SPMIP4: variants seen among roughly 807,000 people sequenced by gnomAD.
The protein encoded by SPMIP4 is sperm microtubule inner protein 4.
chr7:25,126,308 G>A, the SPMIP4 span, among the ~76,000 whole-genome samples: 1 of 152,082 alleles, frequency 6.6e-6, no homozygotes, highest in Non-Finnish European at 1.5e-5. Flanking sequence ...CCCCCAAGTA[G>A]CTGGGACTAC....
chr7:25,144,620 T>C, the SPMIP4 span, among the ~76,000 whole-genome samples: 1 of 152,114 alleles, frequency 6.6e-6, no homozygotes, highest in East Asian at 1.9e-4. Context: ...TGGTTCAAGA[T>C]CATGGTCAGG....
At chr7:25,162,920 C>T in the SPMIP4 span, among the ~76,000 whole-genome samples, 6 of 152,016 alleles carry the variant, frequency 3.9e-5, no homozygotes, top group Non-Finnish European at 7.4e-5. Context: ...TACAGGCACC[C>T]GCCATCGTGC....
At chr7:25,151,590 A>C in the SPMIP4 span, 3 of 1,545,832 alleles carry the variant, frequency 1.9e-6, no homozygotes, top group Non-Finnish European at 2.7e-6. Context: ...TTAAAAAGAT[A>C]CTTACATCAT....
the SPMIP4 span, chr7:25,161,333 CAA>C: frequency 1.3e-6 from 1 of 752,102 alleles, no homozygotes. Flanking sequence ...TAGTAAAAGA[CAA>C]ATAGATTAAT....
chr7:25,144,952 GA>G, the SPMIP4 span, among the ~76,000 whole-genome samples: 10 of 121,582 alleles, frequency 8.2e-5, no homozygotes, highest in Non-Finnish European at 1.2e-4. Context: ...TTGGAAATAA[GA>G]AGGACTGTTT....
chr7:25,144,703 G>A, the SPMIP4 span, among the ~76,000 whole-genome samples: 1 of 152,210 alleles, frequency 6.6e-6, no homozygotes, highest in African/African-American at 2.4e-5. Flanking sequence ...ACAGCCAGAG[G>A]AAGGCCAGAA....
At chr7:25,162,764 T>A in the SPMIP4 span, among the ~76,000 whole-genome samples, 1 of 152,118 alleles carries the variant, frequency 6.6e-6, no homozygotes, top group East Asian at 1.9e-4. Flanking sequence ...TGGCATTTAT[T>A]TATTTATTTA....
chr7:25,157,838 C>T, the SPMIP4 span, among the ~76,000 whole-genome samples: 8 of 152,070 alleles, frequency 5.3e-5, no homozygotes, highest in Non-Finnish European at 1.0e-4. Context: ...AGTGATGCAT[C>T]AGCAATGTTT....
the SPMIP4 span, among the ~76,000 whole-genome samples, chr7:25,165,979 C>T: frequency 6.6e-6 from 1 of 152,100 alleles, no homozygotes; most frequent in East Asian, 1.9e-4. Context: ...CTAAGTTCTG[C>T]CAATCATCCA....
the SPMIP4 span, among the ~76,000 whole-genome samples, chr7:25,131,948 G>A: frequency 2.0e-5 from 3 of 152,188 alleles, no homozygotes; most frequent in African/African-American, 7.2e-5. This position sits in a 1 kb window ranked among gnomAD's most constrained non-coding sequence, Gnocchi z 4.2. Flanking sequence ...GCGGGTCTGC[G>A]ACGGCGGCAA....
At chr7:25,150,351 C>G in the SPMIP4 span, among the ~76,000 whole-genome samples, 2 of 152,166 alleles carry the variant, frequency 1.3e-5, no homozygotes, top group Admixed American at 6.5e-5. Flanking sequence ...TGCTTAAAAA[C>G]TGAAAGAGAT....
the SPMIP4 span, among the ~76,000 whole-genome samples, chr7:25,138,739 T>G: frequency 3.3e-5 from 5 of 152,336 alleles, no homozygotes; most frequent in African/African-American, 1.2e-4. This position sits in a 1 kb window ranked among gnomAD's most constrained non-coding sequence, Gnocchi z 6.2. Flanking sequence ...CCTAAAATCA[T>G]ATAACTACTC....
At chr7:25,126,697 C>A in the SPMIP4 span, among the ~76,000 whole-genome samples, 1,819 of 152,290 alleles carry the variant, frequency 0.012, 32 homozygotes, top group Middle Eastern at 0.051. Flanking sequence ...CTAAGTCTTT[C>A]TACTCAAGAT....
At chr7:25,141,459 C>G in the SPMIP4 span, among the ~76,000 whole-genome samples, 1 of 150,902 alleles carries the variant, frequency 6.6e-6, no homozygotes, top group African/African-American at 2.4e-5. Context: ...GTAATCCCAG[C>G]TATTCTGGAG....
the SPMIP4 span, among the ~76,000 whole-genome samples, chr7:25,176,486 T>C: frequency 6.6e-6 from 1 of 152,136 alleles, no homozygotes; most frequent in Non-Finnish European, 1.5e-5. The surrounding 1 kb of genome is among the most constrained non-coding windows in gnomAD (Gnocchi z 4.4). Flanking sequence ...ATCAGGTCAA[T>C]GGTAGAGGAG....
chr7:25,138,458 T>C, the SPMIP4 span, among the ~76,000 whole-genome samples: 1 of 152,340 alleles, frequency 6.6e-6, no homozygotes, highest in Middle Eastern at 3.4e-3. The surrounding 1 kb of genome is among the most constrained non-coding windows in gnomAD (Gnocchi z 6.2). Context: ...CTCTAACTAC[T>C]AGGCTCAAGC....
At chr7:25,171,862 C>T in the SPMIP4 span, among the ~76,000 whole-genome samples, 3 of 152,200 alleles carry the variant, frequency 2.0e-5, no homozygotes, top group East Asian at 1.9e-4. Context: ...AACCAGTTCC[C>T]CTGTGGCCCC....
chr7:25,160,830 G>C, the SPMIP4 span, among the ~76,000 whole-genome samples: 2 of 152,074 alleles, frequency 1.3e-5, no homozygotes, highest in Non-Finnish European at 2.9e-5. Context: ...AATTTATTGA[G>C]GGCCACTATG....
chr7:25,161,347 A>C, the SPMIP4 span: 1 of 622,364 alleles, frequency 1.6e-6, no homozygotes, highest in Non-Finnish European at 2.7e-6. Flanking sequence ...TAGATTAATA[A>C]CATATCCACA....
Sources: allele counts gnomAD v4.1 joint callset (sites outside exome capture counted in the v4.1 genomes callset), GRCh38; gene constraint gnomAD v4.1.1; non-coding constraint Gnocchi (gnomAD v3.1); transcripts MANE v1.5; gene names NCBI Gene and HGNC (gene_info 2026-07-23, HGNC 2026-07-21).